The following TSHZ2 variants were observed in gnomAD, a reference collection of about 807,000 sequenced individuals.
The protein encoded by TSHZ2 is teashirt homolog 2.
TSHZ2 carries 21 observed loss-of-function variants against 74.4 expected under a neutral mutation model. The ratio of observed to expected loss-of-function variants is 0.28; its 90% CI spans 0.20 to 0.41. TSHZ2 has a LOEUF of 0.41. Ranked by LOEUF, TSHZ2 falls within the 10% of genes least tolerant of loss-of-function variation. The pLI, the probability that TSHZ2 is intolerant of heterozygous loss-of-function variation, is 1.00. For synonymous variants in TSHZ2, 540 were observed against 515.3 expected, an observed-to-expected ratio of 1.05 and a Z score of -0.65; for missense variants, 1,244 against 1,293.5, an observed-to-expected ratio of 0.96 and a Z score of 0.59.
At chr20:53,244,176 C>A (rs897382044) in intron 1 of TSHZ2, among the ~76,000 whole-genome samples, 3 of 151,688 alleles carry the variant, frequency 2.0e-5, no homozygotes, top group African/African-American at 7.3e-5. Context: ...TTCTGAAGGT[C>A]ATTTTGGACA....
intron 1 of TSHZ2, among the ~76,000 whole-genome samples, chr20:53,127,227 G>A (rs1307549205): frequency 1.3e-5 from 2 of 152,198 alleles, no homozygotes; most frequent in Admixed American, 6.5e-5. Flanking sequence ...GTTGGGCACT[G>A]TGCCAGAAAC....
rs1045646094 is a variant in TSHZ2 at position 53,227,826 on chromosome 20, A to T, written c.41-25673A>T. On this transcript the variant is annotated intron_variant, in intron 1 of 2. Transcript: ENST00000371497. ...TCAGAGCTATATCAGTACTGACTTC[A>T]AAGGGAGTGAGGCTGTTACAGTATT... Among the ~76,000 whole-genome samples the T allele has an allele frequency of 3.9e-5, 6 of 152,090 alleles. No individual in the cohort carries two copies. The South Asian group carries it at 1.0e-3, about 26-fold the overall frequency.
chr20:53,314,427 A>T (rs1978916733), intron 2 of TSHZ2, among the ~76,000 whole-genome samples: 1 of 152,122 alleles, frequency 6.6e-6, no homozygotes, highest in Admixed American at 6.5e-5. Context: ...TGGGTCAGGA[A>T]TTCAGGCAAC....
chr20:53,182,173 TCTTC>T (rs548239397), intron 1 of TSHZ2, among the ~76,000 whole-genome samples: 238 of 125,068 alleles, frequency 1.9e-3, no homozygotes, highest in African/African-American at 5.2e-3. Flanking sequence ...TTTCTTTCTT[TCTTC>T]CTTCCTTTTC....
chr20:53,014,765 G>T (rs907497405), intron 1 of TSHZ2, among the ~76,000 whole-genome samples: 3 of 152,220 alleles, frequency 2.0e-5, no homozygotes, highest in Middle Eastern at 3.4e-3. Context: ...AACCTCTCAA[G>T]GTCAGGGACA....
chr20:53,213,119 G>A (rs942320494), intron 1 of TSHZ2, among the ~76,000 whole-genome samples: 1 of 152,172 alleles, frequency 6.6e-6, no homozygotes, highest in South Asian at 2.1e-4. Flanking sequence ...TTCAGTTTTT[G>A]TTGATTTATG....
intron 2 of TSHZ2, among the ~76,000 whole-genome samples, chr20:53,486,655 C>T (rs761484280): frequency 9.9e-5 from 15 of 152,058 alleles, no homozygotes; most frequent in Non-Finnish European, 1.6e-4. Flanking sequence ...ACAAGTATAG[C>T]GACAAAGCGA....
At chr20:53,271,361 T>A (rs931548541) in intron 2 of TSHZ2, among the ~76,000 whole-genome samples, 3 of 152,178 alleles carry the variant, frequency 2.0e-5, no homozygotes, top group Admixed American at 6.5e-5. Flanking sequence ...GTTATAAAGA[T>A]AAAATTAAAT....
At chr20:53,438,453 G>A (rs116206313) in intron 2 of TSHZ2, among the ~76,000 whole-genome samples, 26 of 152,192 alleles carry the variant, frequency 1.7e-4, no homozygotes, top group African/African-American at 5.3e-4. Flanking sequence ...AAGTTGAGCC[G>A]TCATAATAAG....
At chr20:53,349,541 A>C (rs1980563890) in intron 2 of TSHZ2, among the ~76,000 whole-genome samples, 1 of 151,498 alleles carries the variant, frequency 6.6e-6, no homozygotes, top group South Asian at 2.1e-4. Context: ...AGTCCCAGCT[A>C]CTCTGGAGGC....
intron 1 of TSHZ2, among the ~76,000 whole-genome samples, chr20:52,985,087 C>T (rs1981705539): frequency 6.6e-6 from 1 of 152,138 alleles, no homozygotes; most frequent in Admixed American, 6.5e-5. Context: ...CTTTTCCACG[C>T]ATATTTCCTG....
chr20:53,357,407 G>A (rs1040004218), intron 2 of TSHZ2, among the ~76,000 whole-genome samples: 2 of 152,226 alleles, frequency 1.3e-5, no homozygotes, highest in Middle Eastern at 3.4e-3. Flanking sequence ...GCTCACGCCT[G>A]TAATTCTAAC....
intron 2 of TSHZ2, among the ~76,000 whole-genome samples, chr20:53,432,630 C>T (rs1600634152): frequency 6.6e-6 from 1 of 152,178 alleles, no homozygotes; most frequent in Admixed American, 6.5e-5. Flanking sequence ...TCCATGCCAA[C>T]ATCTATTGTT....
At chr20:53,443,310 G>A (rs1984412689) in intron 2 of TSHZ2, among the ~76,000 whole-genome samples, 1 of 152,078 alleles carries the variant, frequency 6.6e-6, no homozygotes, top group African/African-American at 2.4e-5. Flanking sequence ...GTTTAAGAGG[G>A]ATCTTTTAAA....
At chr20:53,044,737 T>C (rs1317103412) in intron 1 of TSHZ2, among the ~76,000 whole-genome samples, 1 of 152,086 alleles carries the variant, frequency 6.6e-6, no homozygotes, top group Non-Finnish European at 1.5e-5. Context: ...AGACATGGGG[T>C]CTCACTGTGT....
chr20:53,358,240 G>A (rs1163643680), intron 2 of TSHZ2, among the ~76,000 whole-genome samples: 1 of 131,916 alleles, frequency 7.6e-6, no homozygotes, highest in Non-Finnish European at 1.6e-5. Context: ...GCTTTGTATT[G>A]TTTTCATGCA....
intron 2 of TSHZ2, among the ~76,000 whole-genome samples, chr20:53,361,754 C>A (rs1288562311): frequency 6.6e-6 from 1 of 152,138 alleles, no homozygotes; most frequent in Non-Finnish European, 1.5e-5. Flanking sequence ...ACAAGACAGT[C>A]CCACACCATG....
At chr20:53,347,137 C>T (rs1980469126) in intron 2 of TSHZ2, among the ~76,000 whole-genome samples, 2 of 152,276 alleles carry the variant, frequency 1.3e-5, no homozygotes, top group African/African-American at 4.8e-5. Flanking sequence ...TTCCAAGGGG[C>T]TTGATCAAAA....
chr20:53,137,418 C>T (rs1600707379), intron 1 of TSHZ2, among the ~76,000 whole-genome samples: 1 of 151,470 alleles, frequency 6.6e-6, no homozygotes, highest in South Asian at 2.1e-4. Flanking sequence ...GTTCGTTAGG[C>T]ATTGAAGAGC....
Sources: gnomAD v4.1 joint callset for allele counts (sites outside exome capture counted in the v4.1 genomes callset) on GRCh38, gnomAD v4.1.1 for gene constraint, MANE v1.5 for transcripts, NCBI Gene and HGNC (gene_info 2026-07-23, HGNC 2026-07-21) for gene names.